TTN: variants seen among roughly 807,000 people sequenced by gnomAD.
TTN encodes titin.
TTN carries 1,525 observed loss-of-function variants against 3,223.0 expected under a neutral mutation model. That is an observed-to-expected ratio of 0.47 (90% CI 0.45 to 0.49). The LOEUF (loss-of-function observed/expected upper bound fraction) is 0.49. Ranked by LOEUF, TTN falls within the 20% of genes least tolerant of loss-of-function variation. The pLI is 0.00. For missense variants in TTN, 40,786 were observed against 43,424.0 expected (o/e 0.94, Z 5.40); for synonymous variants, 14,094 against 15,161.0 (o/e 0.93, Z 5.17).
Position 178,610,318 on chromosome 2 carries a change from G to C in TTN, c.51208C>G (p.Pro17070Ala). The C allele has an allele frequency of 6.2e-7, 1 of 1,612,846 alleles. No individual in the cohort carries two copies. Among genetic ancestry groups the C allele is most frequent in the Non-Finnish European group, 8.5e-7 (1 of 1,179,214 alleles). Residue 17070 changes from proline to alanine, a missense_variant, in exon 271 of 363, where the codon CCT (proline) becomes GCT (alanine). Pro to Ala is a conservative substitution (Grantham distance 27). Transcript: ENST00000589042. ...TKSSCKLTWE[P>A]PEFDGGTPIL... Reference sequence around the variant, plus strand: ...GGGGTTCCACCATCAAATTCTGGAGGTTCCCAAGTTAACTTACAAGAACTC... The same window carrying C: ...GGGGTTCCACCATCAAATTCTGGAGCTTCCCAAGTTAACTTACAAGAACTC...
chr2:178,748,682 G>A (rs1574229984), intron 47 of TTN: 1 of 1,612,820 alleles, frequency 6.2e-7, no homozygotes, highest in Non-Finnish European at 8.5e-7. Flanking sequence ...TAAGTCAAAT[G>A]TAATAGGTGA....
chr2:178,546,329 C>T lies in TTN; in HGVS notation c.95002G>A (p.Gly31668Ser), dbSNP rs577136681. The T allele has an allele frequency of 2.5e-6, 4 of 1,613,810 alleles. No homozygotes were observed. Among genetic ancestry groups the T allele is most frequent in the South Asian group, 1.1e-5 (1 of 91,078 alleles). Residue 31668 changes from glycine to serine, a missense_variant, in exon 342 of 363, where the codon GGC becomes AGC. Gly to Ser is a moderately conservative substitution (Grantham distance 56, BLOSUM62 0). Transcript: ENST00000589042. Reference sequence around the variant, plus strand: ...TTGATCACAGCAGTTGCTCGTTTGCCAGTATACTGCAAAGAGACTTTTTCA... The same window carrying T: ...TTGATCACAGCAGTTGCTCGTTTGCTAGTATACTGCAAAGAGACTTTTTCA... ...LCEKVSLQYTGKRATAVIKFC... is the reference protein window; with the variant it reads ...LCEKVSLQYTSKRATAVIKFC...
Position 178,694,020 on chromosome 2 carries a change from G to T in TTN, c.31427-12C>A. On this transcript the variant is annotated splice_polypyrimidine_tract_variant and intron_variant, in intron 117 of 362. Coordinates refer to ENST00000589042, the MANE Select transcript of TTN (RefSeq NM_001267550.2). ...ATGCACAGCTGGTACTTTAAAGAGA[G>T]TATTTCACATTAGTATTCCTTTTTT... 3 of 1,596,828 alleles carry T rather than the reference G, an allele frequency of 1.9e-6. No individual in the cohort carries two copies. The South Asian group carries it at 3.4e-5, about 18-fold the overall frequency.
At chr2:178,786,342 C>T (rs1454936150) in intron 13 of TTN, among the ~76,000 whole-genome samples, 1 of 152,152 alleles carries the variant, frequency 6.6e-6, no homozygotes, top group East Asian at 1.9e-4. Context: ...ACTCTCTGTA[C>T]ACCTACTTAA....
chr2:178,683,123 A>G, intron 134 of TTN, 88 bp downstream of exon 134: 1 of 1,012,472 alleles, frequency 9.9e-7, no homozygotes, highest in South Asian at 1.4e-5. Context: ...ACAATAAGCT[A>G]ATAAAGTATA....
At position 178,605,410 on chromosome 2, in the gene TTN, G is replaced by A. The variant is rs187632918; in HGVS notation, c.53881+4C>T. 6.7e-5 allele frequency: 106 copies of A among 1,575,304 alleles called. No individual in the cohort carries two copies. Among genetic ancestry groups the A allele is most frequent in the Non-Finnish European group, 8.4e-5 (98 of 1,161,390 alleles). On this transcript the variant is annotated splice_donor_region_variant and intron_variant, in intron 279 of 362. Transcript: ENST00000589042. ...AAAATTATTATTATATTCAGATTCCGCACCTTCATCATCTTGTATGACTAC... is the reference window on the plus strand; with the variant it reads ...AAAATTATTATTATATTCAGATTCCACACCTTCATCATCTTGTATGACTAC...
chr2:178,569,606 T>G lies in TTN; in HGVS notation c.76526A>C (p.Asp25509Ala). ...CCTTAGTTCTAGGTCAAGATCAATG[T>G]CTGGTGCTTCTAATTTTTCTTCAAC... ...IIVEEKLEAP[D>A]IDLDLELRKI... Residue 25509 changes from aspartate to alanine, a missense_variant, in exon 326 of 363, where the codon GAC becomes GCC. Transcript: ENST00000589042. 1.2e-6 allele frequency: 2 copies of G among 1,612,228 alleles called. No homozygotes were observed. The highest frequency in any genetic ancestry group is 2.2e-5 in the East Asian group (1 of 44,608).
intron 46 of TTN, 89 bp downstream of exon 46, chr2:178,756,133 T>C: frequency 1.0e-6 from 1 of 968,730 alleles, no homozygotes; most frequent in Non-Finnish European, 1.5e-6. Context: ...TTCTAATTAA[T>C]ATATTCGTCG....
chr2:178,695,344 T>C lies in TTN; in HGVS notation c.31270+4A>G, dbSNP rs1416443998. 1 of 1,609,328 alleles carries C rather than the reference T, an allele frequency of 6.2e-7. No individual in the cohort carries two copies. Among genetic ancestry groups the C allele is most frequent in the East Asian group, 2.2e-5 (1 of 44,760 alleles). ...AGTCTATTTAAATATTTCTAATTAC[T>C]TACCTTTAGGAGGTGGTGGTGCTTT... On this transcript the variant is annotated splice_donor_region_variant and intron_variant, in intron 115 of 362. Coordinates refer to ENST00000589042, the MANE Select transcript of TTN (RefSeq NM_001267550.2).
At chr2:178,746,541 T>A (rs1395852065) in intron 47 of TTN, 1 of 1,613,232 alleles carries the variant, frequency 6.2e-7, no homozygotes, top group South Asian at 1.1e-5. Context: ...TGCTGATGTG[T>A]TACTGGAGGT....
At chr2:178,583,495 C>T (rs1487831757) in intron 312 of TTN, 112 bp downstream of exon 312, 1 of 1,176,708 alleles carries the variant, frequency 8.5e-7, no homozygotes, top group Non-Finnish European at 1.1e-6. Flanking sequence ...ATATACAAAA[C>T]ATCATTTTAA....
chr2:178,548,168 C>T lies in TTN; in HGVS notation c.93458G>A (p.Arg31153Lys). 2 of 1,613,838 alleles carry T rather than the reference C, an allele frequency of 1.2e-6. No homozygotes were observed. Among genetic ancestry groups the T allele is most frequent in the Non-Finnish European group, 1.7e-6 (2 of 1,179,812 alleles). The change falls in exon 339 of 363, where the codon AGA (arginine) becomes AAA (lysine). Residue 31153 changes from arginine (R) to lysine (K), a missense_variant. Physicochemically the swap from Arg to Lys is conservative, Grantham distance 26. Coordinates refer to ENST00000589042, the MANE Select transcript of TTN (RefSeq NM_001267550.2). This position sits in a 1 kb window ranked among gnomAD's most constrained non-coding sequence, Gnocchi z 4.3. ...SRITGYLLEM[R>K]QKGSDFWVEA... ...AACCCAGAAGTCAGATCCCTTTTGT[C>T]TCATTTCAAGCAGGTAGCCAGTGAT...
chr2:178,536,362 T>G lies in TTN; in HGVS notation c.100385A>C (p.Glu33462Ala). 6.2e-7 allele frequency: 1 copy of G among 1,613,778 alleles called. No homozygotes were observed. Among genetic ancestry groups the G allele is most frequent in the East Asian group, 2.2e-5 (1 of 44,866 alleles). ...FSVKNLIEGLEYEFRVKCENL... is the reference protein window; with the variant it reads ...FSVKNLIEGLAYEFRVKCENL... ...TTCACATTTCACACGAAACTCGTAT[T>G]CAAGACCTTCAATAAGGTTTTTCAC... The change falls in exon 357 of 363, where the codon GAA (glutamate) becomes GCA (alanine). Residue 33462 changes from glutamate to alanine, a missense_variant. Glu to Ala is a moderately radical substitution (Grantham distance 107, BLOSUM62 -1). Coordinates refer to ENST00000589042, the MANE Select transcript of TTN (RefSeq NM_001267550.2).
In TTN at chr2:178,560,671, G is replaced by A. The variant is rs1703301266; in HGVS notation, c.85461C>T (p.Ile28487=). 2.5e-6 allele frequency: 4 copies of A among 1,613,420 alleles called. No homozygotes were observed. The highest frequency in any genetic ancestry group is 1.7e-5 in the Admixed American group (1 of 59,966). ...EDGGADIDYY[I]VEKRETSHLA... ...GGTGGCTTGTTTCACGTTTTTCTAC[G>A]ATGTAATAGTCGATATCTGCACCAC... Residue 28487 remains isoleucine, a synonymous_variant, in exon 326 of 363, where the codon ATC becomes ATT. Coordinates refer to ENST00000589042, the MANE Select transcript of TTN (RefSeq NM_001267550.2).
rs765816052 is a variant in TTN at position 178,577,312 on chromosome 2, T to G, written c.69023A>C (p.Lys23008Thr). 1 of 1,613,000 alleles carries G rather than the reference T, an allele frequency of 6.2e-7. No individual in the cohort carries two copies. The highest frequency in any genetic ancestry group is 8.5e-7 in the Non-Finnish European group (1 of 1,179,504). The change falls in exon 324 of 363, where the codon AAG becomes ACG. Residue 23008 changes from lysine to threonine, a missense_variant. Coordinates refer to ENST00000589042, the MANE Select transcript of TTN (RefSeq NM_001267550.2). ...STPTSSMLTI[K>T]YATRKDAGEY... is the part of the protein sequence containing the mutation. The stretch of plus-strand genomic sequence containing the variant: ...ACCCGCATCTTTTCTAGTGGCATAC[T>G]TGATAGTAAGCATGGAAGATGTTGG...
Position 178,526,327 on chromosome 2 carries a change from A to C in TTN, c.*685T>G, listed in dbSNP as rs1450560432. 6.6e-6 allele frequency: 1 copy of C among 152,644 alleles called. No individual in the cohort carries two copies. The highest frequency in any genetic ancestry group is 1.5e-5 in the Non-Finnish European group (1 of 68,046). 9.5% of individuals were successfully genotyped at this position (152,644 alleles called of 1,614,324 possible). The stretch of plus-strand genomic sequence containing the variant: ...AGCTTGGTTAAATGAAGGGATGGCC[A>C]GGAGATGTTACTTTTCCAAGCTATT... On this transcript the variant is annotated 3_prime_UTR_variant, in exon 363 of 363. Coordinates refer to ENST00000589042, the MANE Select transcript of TTN (RefSeq NM_001267550.2).
In TTN at chr2:178,644,617, C is replaced by T. The variant is rs1285884266; in HGVS notation, c.40409-1G>A. 3.9e-6 allele frequency: 6 copies of T among 1,552,606 alleles called. No individual in the cohort carries two copies. The African/African-American group carries it at 8.4e-5, about 22-fold the overall frequency. On this transcript the variant is annotated splice_acceptor_variant, in intron 217 of 362. Transcript: ENST00000589042. LOFTEE classifies it high-confidence loss of function. The stretch of plus-strand genomic sequence containing the variant: ...TCAGGAACTTTCTTCTTTGGAATAG[C>T]TTTAAAGAATATGATTTTACTTTTG...
intron 344 of TTN, among the ~76,000 whole-genome samples, chr2:178,544,987 T>C (rs1299242678): frequency 2.0e-5 from 3 of 152,210 alleles, no homozygotes; most frequent in African/African-American, 7.2e-5. Context: ...GAAGCTCTTG[T>C]CACAATTACT....
Position 178,579,732 on chromosome 2 carries a change from C to G in TTN, c.67465G>C (p.Asp22489His). 1 of 1,613,222 alleles carries G rather than the reference C, an allele frequency of 6.2e-7. No homozygotes were observed. ...CACTTATTTTCTTCAGTCAGGAAAT[C>G]AACTACATATCCAATAATCCGACTT... ...GGSRIIGYVV[D>H]FLTEENKWQR... is the part of the protein sequence containing the mutation. The change falls in exon 319 of 363, where the codon GAT becomes CAT. Residue 22489 changes from aspartate (D) to histidine (H), a missense_variant. Transcript: ENST00000589042.
Sources: allele counts gnomAD v4.1 joint callset (sites outside exome capture counted in the v4.1 genomes callset), GRCh38; gene constraint gnomAD v4.1.1; non-coding constraint Gnocchi (gnomAD v3.1); transcripts MANE v1.5; gene names NCBI Gene and HGNC (gene_info 2026-07-23, HGNC 2026-07-21).